The following SCHIP1 variants were observed in gnomAD, a reference collection of about 807,000 sequenced individuals.
SCHIP1 encodes schwannomin interacting protein 1.
A neutral mutation model predicts 29.7 loss-of-function variants in SCHIP1; 8 were observed. The ratio of observed to expected loss-of-function variants is 0.27; its 90% CI spans 0.16 to 0.49. SCHIP1 has a LOEUF of 0.49. SCHIP1 is among the 20% of genes least tolerant of loss of function. The pLI is 0.99. For missense variants in SCHIP1, 193 were observed against 294.6 expected, an observed-to-expected ratio of 0.66 and a Z score of 2.52; for synonymous variants, 76 against 94.9, an observed-to-expected ratio of 0.80 and a Z score of 1.16.
At chr3:159,399,673 G>C in the SCHIP1 span, among the ~76,000 whole-genome samples, 2 of 152,044 alleles carry the variant, frequency 1.3e-5, no homozygotes, top group Non-Finnish European at 2.9e-5. Context: ...AATCACCTGA[G>C]AATGAATATA....
At chr3:159,322,745 C>T in the SCHIP1 span, among the ~76,000 whole-genome samples, 1 of 152,176 alleles carries the variant, frequency 6.6e-6, no homozygotes. Context: ...TTTTAACATC[C>T]TCCCTAGTCC....
intron 2 of SCHIP1, among the ~76,000 whole-genome samples, chr3:159,872,024 T>A (rs1715345574): frequency 1.3e-5 from 2 of 152,180 alleles, no homozygotes; most frequent in South Asian, 2.1e-4. Context: ...GCCTCCCCTG[T>A]GGGCACATGG....
At chr3:159,361,811 T>C in the SCHIP1 span, among the ~76,000 whole-genome samples, 1 of 152,210 alleles carries the variant, frequency 6.6e-6, no homozygotes, top group East Asian at 1.9e-4. Context: ...AAAAAATGTA[T>C]ATTCAAAAAT....
At chr3:159,577,345 C>G in the SCHIP1 span, among the ~76,000 whole-genome samples, 1 of 152,254 alleles carries the variant, frequency 6.6e-6, no homozygotes, top group Non-Finnish European at 1.5e-5. Flanking sequence ...TGCTGAAGTT[C>G]ATCTGAGGTT....
chr3:159,823,701 C>T, the SCHIP1 span, among the ~76,000 whole-genome samples: 2 of 152,190 alleles, frequency 1.3e-5, no homozygotes, highest in Non-Finnish European at 2.9e-5. Context: ...TAATTCTCGA[C>T]ATAAATGACT....
the SCHIP1 span, among the ~76,000 whole-genome samples, chr3:159,795,325 A>G: frequency 6.6e-6 from 1 of 152,188 alleles, no homozygotes; most frequent in Non-Finnish European, 1.5e-5. Context: ...GACTGCTTCA[A>G]GGCTAATCCC....
the SCHIP1 span, among the ~76,000 whole-genome samples, chr3:159,339,648 T>C: frequency 2.6e-5 from 4 of 152,316 alleles, no homozygotes; most frequent in East Asian, 1.9e-4. Flanking sequence ...ATTTAACAGA[T>C]GTTTTAAGTC....
chr3:159,532,198 C>T, the SCHIP1 span, among the ~76,000 whole-genome samples: 52 of 151,980 alleles, frequency 3.4e-4, no homozygotes, highest in African/African-American at 1.1e-3. Context: ...GGCAAGATGC[C>T]GCTTTTTTTC....
the SCHIP1 span, among the ~76,000 whole-genome samples, chr3:159,780,194 G>A: frequency 4.6e-5 from 7 of 152,186 alleles, no homozygotes; most frequent in South Asian, 2.1e-4. Flanking sequence ...TAGAGCATTT[G>A]CAGCAAGGTC....
chr3:159,782,002 G>A, the SCHIP1 span, among the ~76,000 whole-genome samples: 10 of 152,182 alleles, frequency 6.6e-5, no homozygotes, highest in African/African-American at 2.4e-4. Context: ...CTGAGGTTAC[G>A]GGCAGTCTTG....
chr3:159,663,490 C>G, the SCHIP1 span, among the ~76,000 whole-genome samples: 8 of 152,124 alleles, frequency 5.3e-5, no homozygotes, highest in African/African-American at 1.9e-4. Flanking sequence ...ATGTCTAGCT[C>G]CTCAACAGTC....
the SCHIP1 span, among the ~76,000 whole-genome samples, chr3:159,338,436 G>C: frequency 6.6e-6 from 1 of 152,148 alleles, no homozygotes; most frequent in African/African-American, 2.4e-5. Flanking sequence ...CAGGGTGTCT[G>C]GTGGACAGAG....
chr3:159,893,675 G>C (rs1347724759), intron 6 of SCHIP1: 1 of 152,130 alleles, frequency 6.6e-6, no homozygotes, highest in African/African-American at 2.4e-5. Flanking sequence ...TGCAGTGTAT[G>C]TTTTTATAAC....
chr3:159,499,453 G>C, the SCHIP1 span, among the ~76,000 whole-genome samples: 1 of 152,134 alleles, frequency 6.6e-6, no homozygotes, highest in South Asian at 2.1e-4. Context: ...AAGACATTAA[G>C]TAGTCATACG....
the SCHIP1 span, among the ~76,000 whole-genome samples, chr3:159,533,216 T>C: frequency 1.6e-3 from 243 of 151,670 alleles, 5 homozygotes; most frequent in East Asian, 0.033. Context: ...AGTTGAGACT[T>C]GGGGTGACAG....
At chr3:159,684,673 A>G in the SCHIP1 span, among the ~76,000 whole-genome samples, 1 of 151,852 alleles carries the variant, frequency 6.6e-6, no homozygotes, top group Non-Finnish European at 1.5e-5. Flanking sequence ...GTGTGGTGGC[A>G]TGCAACTGTA....
the SCHIP1 span, among the ~76,000 whole-genome samples, chr3:159,648,568 T>C: frequency 2.6e-5 from 4 of 152,180 alleles, no homozygotes; most frequent in Non-Finnish European, 4.4e-5. Flanking sequence ...CTGCTACTTA[T>C]ATGTATTGAA....
chr3:159,871,375 G>GT (rs1715265227), intron 2 of SCHIP1, among the ~76,000 whole-genome samples: 1 of 96,060 alleles, frequency 1.0e-5, no homozygotes, highest in African/African-American at 3.8e-5. Flanking sequence ...GGGTGGGGGG[G>GT]GGCTTATTAT....
the SCHIP1 span, among the ~76,000 whole-genome samples, chr3:159,284,083 T>C: frequency 6.6e-6 from 1 of 152,192 alleles, no homozygotes; most frequent in African/African-American, 2.4e-5. Flanking sequence ...GCTTCCTAGA[T>C]TTTCCTTTGG....
Sources: allele counts gnomAD v4.1 joint callset (sites outside exome capture counted in the v4.1 genomes callset), GRCh38; gene constraint gnomAD v4.1.1; transcripts MANE v1.5; gene names NCBI Gene and HGNC (gene_info 2026-07-23, HGNC 2026-07-21).